Variants in STK32B observed in about 807,000 individuals in gnomAD.
The protein encoded by STK32B is serine/threonine-protein kinase 32B.
A neutral mutation model predicts 52.6 loss-of-function variants in STK32B; 43 were observed. The observed-to-expected ratio is 0.82, with a 90% CI of 0.64 to 1.05. The LOEUF (loss-of-function observed/expected upper bound fraction) is 1.05. Ranked by LOEUF, STK32B falls within the 50% of genes least tolerant of loss-of-function variation. The pLI is 0.00. For synonymous variants in STK32B, 238 were observed against 204.3 expected (o/e 1.17, Z -1.41); for missense variants, 621 against 534.6 (o/e 1.16, Z -1.59).
In STK32B at chr4:5,251,594, A is replaced by AT. The variant is rs970878373; in HGVS notation, c.261-79619dup. Reference sequence around the variant, plus strand: ...CTTTTGGTTCCATATGAATTTTATAATTTTTTTAATTCCATGAAGAATGTC... The same window carrying AT: ...CTTTTGGTTCCATATGAATTTTATAATTTTTTTTAATTCCATGAAGAATGTC... On this transcript the variant is annotated intron_variant, in intron 3 of 11. Coordinates refer to ENST00000282908, the MANE Select transcript of STK32B (RefSeq NM_018401.3). Among the ~76,000 whole-genome samples, 31 of 152,062 alleles carry AT rather than the reference A, an allele frequency of 2.0e-4. 1 individual carries two copies. Among genetic ancestry groups the AT allele is most frequent in the Admixed American group, 1.2e-3 (19 of 15,260 alleles).
intron 4 of STK32B, among the ~76,000 whole-genome samples, chr4:5,391,784 G>A (rs1261466362): frequency 5.3e-5 from 8 of 152,132 alleles, no homozygotes; most frequent in African/African-American, 1.9e-4. Context: ...ATCTAAAATT[G>A]TGTCTTTGTG....
In STK32B at chr4:5,139,962, TAAG is replaced by T; in HGVS notation, c.108+5_108+7del. 1.2e-6 allele frequency: 2 copies of T among 1,614,164 alleles called. No homozygotes were observed. Among genetic ancestry groups the T allele is most frequent in the Admixed American group, 3.3e-5 (2 of 60,024 alleles). On this transcript the variant is annotated splice_donor_5th_base_variant and intron_variant, in intron 2 of 11. Coordinates refer to ENST00000282908, the MANE Select transcript of STK32B (RefSeq NM_018401.3). ...ATTGGTAAAGGGAGTTTTGGAAAGG[TAAG>T]AATATAAATGTCTGGACCACTGGGC...
intron 11 of STK32B, among the ~76,000 whole-genome samples, chr4:5,487,646 C>A (rs140987197): frequency 1.3e-5 from 2 of 152,114 alleles, no homozygotes; most frequent in Admixed American, 6.6e-5. Flanking sequence ...CTAGGGTTAT[C>A]GTCAAAATAG....
chr4:5,270,332 G>A (rs116719222), intron 3 of STK32B, among the ~76,000 whole-genome samples: 2,405 of 152,234 alleles, frequency 0.016, 65 homozygotes, highest in African/African-American at 0.054. Context: ...ATCCAGCACT[G>A]GAGAAAGATG....
intron 3 of STK32B, among the ~76,000 whole-genome samples, chr4:5,250,722 A>G (rs1725868821): frequency 6.6e-6 from 1 of 152,154 alleles, no homozygotes; most frequent in African/African-American, 2.4e-5. Flanking sequence ...CCTCTCCAGC[A>G]ATTGTTATTT....
At chr4:5,019,826 G>A in the STK32B span, among the ~76,000 whole-genome samples, 1 of 152,184 alleles carries the variant, frequency 6.6e-6, no homozygotes, top group Non-Finnish European at 1.5e-5. Flanking sequence ...GGAGTGGGCA[G>A]TCAGGCCTGG....
At chr4:5,233,956 C>G (rs148449871) in intron 3 of STK32B, among the ~76,000 whole-genome samples, 1 of 152,068 alleles carries the variant, frequency 6.6e-6, no homozygotes, top group African/African-American at 2.4e-5. Flanking sequence ...CTTCTCTGGA[C>G]CTGATCTAAC....
At chr4:5,466,193 C>T (rs1385898180) in intron 9 of STK32B, among the ~76,000 whole-genome samples, 1 of 152,146 alleles carries the variant, frequency 6.6e-6, no homozygotes, top group African/African-American at 2.4e-5. Context: ...CGGGAGGAGC[C>T]CCTGGCCAGG....
At chr4:5,221,017 T>A (rs749254304) in intron 3 of STK32B, among the ~76,000 whole-genome samples, 3 of 152,204 alleles carry the variant, frequency 2.0e-5, no homozygotes, top group Non-Finnish European at 4.4e-5. Context: ...CATAACTTAG[T>A]GTCCTTTGCC....
At chr4:5,245,459 A>G (rs1227855711) in intron 3 of STK32B, among the ~76,000 whole-genome samples, 1 of 151,954 alleles carries the variant, frequency 6.6e-6, no homozygotes, top group East Asian at 1.9e-4. Flanking sequence ...CTTTACTTTG[A>G]GCCTACGTGA....
intron 3 of STK32B, among the ~76,000 whole-genome samples, chr4:5,307,751 A>G (rs1391099734): frequency 1.3e-5 from 2 of 152,046 alleles, no homozygotes; most frequent in Non-Finnish European, 1.5e-5. Context: ...TCATTTAGGT[A>G]GAGTGTGTCA....
Position 5,405,657 on chromosome 4 carries a change from C to T in STK32B, c.472+7413C>T, listed in dbSNP as rs530676312. On this transcript the variant is annotated intron_variant, in intron 5 of 11. Transcript: ENST00000282908. ...TGGCAGAAGGTGAAGGGGAAGCAAG[C>T]ACGTCTTCACATGGCTGGCAGGAGT... 5.8e-4 allele frequency among the ~76,000 whole-genome samples: 89 copies of T among 152,226 alleles called. 2 individuals carry two copies. The highest frequency in any genetic ancestry group is 2.1e-3 in the African/African-American group (88 of 41,524).
chr4:5,035,734 C>T, the STK32B span, among the ~76,000 whole-genome samples: 1 of 151,608 alleles, frequency 6.6e-6, no homozygotes, highest in Non-Finnish European at 1.5e-5. Context: ...AAAGTCTGTA[C>T]AATTAGAATG....
chr4:5,090,900 C>T (rs1204359539), intron 1 of STK32B, among the ~76,000 whole-genome samples: 3 of 152,128 alleles, frequency 2.0e-5, no homozygotes, highest in Non-Finnish European at 2.9e-5. Context: ...TCTAGAAACA[C>T]AAACACTGCC....
chr4:5,202,784 T>C (rs796709717), intron 3 of STK32B, among the ~76,000 whole-genome samples: 1 of 152,362 alleles, frequency 6.6e-6, no homozygotes, highest in African/African-American at 2.4e-5. Flanking sequence ...CATCCCCTCA[T>C]GTCTGTAATT....
Position 5,499,202 on chromosome 4 carries a change from C to T in STK32B, c.*119C>T. 1 of 1,358,696 alleles carries T rather than the reference C, an allele frequency of 7.4e-7. No homozygotes were observed. Among genetic ancestry groups the T allele is most frequent in the Non-Finnish European group, 9.7e-7 (1 of 1,031,782 alleles). The allele number at this position is 1,358,696 out of a possible 1,614,324, so 84.2% of individuals were successfully genotyped here. On this transcript the variant is annotated 3_prime_UTR_variant, in exon 12 of 12. Transcript: ENST00000282908. Reference sequence around the variant, plus strand: ...CTGAAAACATCAGATGCAGAAAAAGCCCTGGACTTGGAGCTGGGAAGCCTG... The same window carrying T: ...CTGAAAACATCAGATGCAGAAAAAGTCCTGGACTTGGAGCTGGGAAGCCTG...
intron 3 of STK32B, among the ~76,000 whole-genome samples, chr4:5,302,682 C>T (rs1300820464): frequency 1.3e-5 from 2 of 152,046 alleles, no homozygotes; most frequent in Non-Finnish European, 2.9e-5. Context: ...CAGTGATTTC[C>T]GAGATTCTGG....
chr4:5,404,921 C>T (rs1011302085), intron 5 of STK32B, among the ~76,000 whole-genome samples: 8 of 137,970 alleles, frequency 5.8e-5, no homozygotes, highest in Non-Finnish European at 9.0e-5. Context: ...GACTGGAGTG[C>T]GGCGGTGCCA....
At chr4:5,287,721 C>T (rs1009703986) in intron 3 of STK32B, among the ~76,000 whole-genome samples, 2 of 151,800 alleles carry the variant, frequency 1.3e-5, no homozygotes, top group Non-Finnish European at 2.9e-5. Context: ...GTATATTAAA[C>T]ATTGTTGTGC....
Sources: allele counts gnomAD v4.1 joint callset (sites outside exome capture counted in the v4.1 genomes callset), GRCh38; gene constraint gnomAD v4.1.1; transcripts MANE v1.5; gene names NCBI Gene and HGNC (gene_info 2026-07-23, HGNC 2026-07-21).